Variants in MAPK4 observed in about 807,000 individuals in gnomAD.
MAPK4 encodes the protein mitogen-activated protein kinase 4, also known as Erk3-related.
In MAPK4, 22 loss-of-function variants were observed where a neutral mutation model predicts 47.7. The ratio of observed to expected loss-of-function variants is 0.46; its 90% CI spans 0.33 to 0.66. The LOEUF (loss-of-function observed/expected upper bound fraction) is 0.66. MAPK4 is among the 30% of genes least tolerant of loss of function. MAPK4 has a pLI of 0.02. For synonymous variants in MAPK4, 390 were observed against 365.7 expected (o/e 1.07, Z -0.76); for missense variants, 736 against 831.7 (o/e 0.88, Z 1.42).
intron 1 of MAPK4, among the ~76,000 whole-genome samples, chr18:50,583,553 C>T (rs996397700): frequency 1.2e-4 from 19 of 152,140 alleles, no homozygotes; most frequent in Admixed American, 1.0e-3. Context: ...TGCGCCACTG[C>T]ACTCCAGCCT....
chr18:50,673,445 C>T lies in MAPK4; in HGVS notation c.546+8941C>T, dbSNP rs146142103. 1.4e-3 allele frequency among the ~76,000 whole-genome samples: 216 copies of T among 152,350 alleles called. 2 individuals carry two copies. In the East Asian group the frequency reaches 0.021, roughly 15 times the overall value. ...CAGGAAGTCTGCAGCCCGCTAGGGA[C>T]GCTGGAGTGGAGCTAGTGTGTTTCA... On this transcript the variant is annotated intron_variant, in intron 2 of 5. Transcript: ENST00000400384.
At chr18:50,614,624 C>T (rs2042668107) in intron 1 of MAPK4, among the ~76,000 whole-genome samples, 1 of 152,184 alleles carries the variant, frequency 6.6e-6, no homozygotes, top group African/African-American at 2.4e-5. Context: ...TGTACACCTA[C>T]TACATACCCA....
At chr18:50,699,035 T>A (rs889309804) in intron 2 of MAPK4, among the ~76,000 whole-genome samples, 3 of 151,710 alleles carry the variant, frequency 2.0e-5, no homozygotes, top group African/African-American at 4.8e-5. Context: ...AAAAAAAAAA[T>A]AAAAATTGAG....
intron 2 of MAPK4, among the ~76,000 whole-genome samples, chr18:50,703,229 G>A (rs1452741232): frequency 6.6e-6 from 1 of 152,002 alleles, no homozygotes; most frequent in African/African-American, 2.4e-5. Context: ...TCCCTGCCTG[G>A]CCAGCCTGGG....
chr18:50,655,815 T>G (rs73437794), intron 1 of MAPK4, among the ~76,000 whole-genome samples: 10 of 152,322 alleles, frequency 6.6e-5, no homozygotes, highest in African/African-American at 2.4e-4. Context: ...TTTAAAAAAC[T>G]TTCTTTTCTG....
At chr18:50,666,308 T>C (rs376038898) in intron 2 of MAPK4, among the ~76,000 whole-genome samples, 4 of 152,188 alleles carry the variant, frequency 2.6e-5, no homozygotes, top group African/African-American at 9.7e-5. Flanking sequence ...CTAGCTTGGA[T>C]GTAGATAGTC....
intron 4 of MAPK4, among the ~76,000 whole-genome samples, chr18:50,723,172 T>G (rs1277980345): frequency 6.6e-6 from 1 of 152,116 alleles, no homozygotes; most frequent in African/African-American, 2.4e-5. Flanking sequence ...GGAGGATGAG[T>G]GGCTGTGCCC....
At chr18:50,697,983 A>T (rs1221578174) in intron 2 of MAPK4, among the ~76,000 whole-genome samples, 2 of 152,182 alleles carry the variant, frequency 1.3e-5, no homozygotes, top group African/African-American at 4.8e-5. Flanking sequence ...AGCCTACAAA[A>T]ATCAGCTCCT....
intron 1 of MAPK4, among the ~76,000 whole-genome samples, chr18:50,571,413 T>A (rs1382185440): frequency 6.6e-6 from 1 of 152,186 alleles, no homozygotes. Flanking sequence ...AGAGGCAAAT[T>A]TTCTGTTCTC....
intron 3 of MAPK4, among the ~76,000 whole-genome samples, chr18:50,721,246 A>G (rs1352835404): frequency 6.6e-6 from 1 of 152,152 alleles, no homozygotes; most frequent in East Asian, 1.9e-4. Context: ...TTATGAATGA[A>G]AACTATGCCT....
chr18:50,597,876 A>G (rs1184141559), intron 1 of MAPK4, among the ~76,000 whole-genome samples: 1 of 152,244 alleles, frequency 6.6e-6, no homozygotes, highest in African/African-American at 2.4e-5. Flanking sequence ...TGAGGTATTA[A>G]GTAGTTAGAG....
chr18:50,703,435 C>T (rs1367320020), intron 2 of MAPK4, among the ~76,000 whole-genome samples: 1 of 152,210 alleles, frequency 6.6e-6, no homozygotes, highest in African/African-American at 2.4e-5. Context: ...CATCTTCTGT[C>T]TGCAGGCACC....
At chr18:50,651,581 G>A (rs2043049448) in intron 1 of MAPK4, among the ~76,000 whole-genome samples, 2 of 152,174 alleles carry the variant, frequency 1.3e-5, no homozygotes, top group South Asian at 2.1e-4. Flanking sequence ...GTGGCATGTG[G>A]GTCTGACTCT....
chr18:50,595,193 C>T (rs2042471339), intron 1 of MAPK4, among the ~76,000 whole-genome samples: 5 of 152,184 alleles, frequency 3.3e-5, no homozygotes, highest in Admixed American at 3.3e-4. Context: ...AACCAATTTA[C>T]TCTTAGTTAC....
At chr18:50,591,994 A>G (rs1475329470) in intron 1 of MAPK4, among the ~76,000 whole-genome samples, 1 of 152,140 alleles carries the variant, frequency 6.6e-6, no homozygotes, top group Non-Finnish European at 1.5e-5. Context: ...AGCTTTGTAC[A>G]TGGTATTGAC....
At chr18:50,709,818 G>A (rs752526413) in intron 2 of MAPK4, among the ~76,000 whole-genome samples, 57 of 152,316 alleles carry the variant, frequency 3.7e-4, no homozygotes, top group Non-Finnish European at 2.9e-4. Context: ...CTAACACAGT[G>A]CTGGGCACAG....
chr18:50,609,460 G>A (rs900542369), intron 1 of MAPK4, among the ~76,000 whole-genome samples: 3 of 152,006 alleles, frequency 2.0e-5, no homozygotes, highest in Non-Finnish European at 4.4e-5. Context: ...TGAGGCTCAT[G>A]TAGGTAAAGT....
At chr18:50,652,228 G>T (rs1347875656) in intron 1 of MAPK4, among the ~76,000 whole-genome samples, 1 of 152,186 alleles carries the variant, frequency 6.6e-6, no homozygotes, top group Admixed American at 6.5e-5. Flanking sequence ...AGGGATTGTT[G>T]ACCTGACCTG....
At chr18:50,613,628 T>C (rs964459734) in intron 1 of MAPK4, among the ~76,000 whole-genome samples, 5 of 152,222 alleles carry the variant, frequency 3.3e-5, no homozygotes, top group Non-Finnish European at 5.9e-5. Flanking sequence ...TACAAAGCAA[T>C]AGATAACTAA....
Sources: allele counts gnomAD v4.1 joint callset (sites outside exome capture counted in the v4.1 genomes callset), GRCh38; gene constraint gnomAD v4.1.1; transcripts MANE v1.5; gene names NCBI Gene and HGNC (gene_info 2026-07-23, HGNC 2026-07-21).